The following IL1RAPL1 variants were observed in gnomAD, a reference collection of about 807,000 sequenced individuals.
IL1RAPL1 encodes interleukin-1 receptor accessory protein-like 1.
Under a neutral mutation model 48.4 loss-of-function variants are expected in IL1RAPL1, and 3 were observed. The ratio of observed to expected loss-of-function variants is 0.06; its 90% CI spans 0.03 to 0.16. IL1RAPL1 has a LOEUF of 0.16. Among genes scored for constraint, IL1RAPL1 ranks in the 10% least tolerant of loss-of-function variants. IL1RAPL1 has a pLI of 1.00. For missense variants in IL1RAPL1, 349 were observed against 530.6 expected (o/e 0.66, Z 3.36); for synonymous variants, 185 against 187.7 (o/e 0.99, Z 0.12).
intron 6 of IL1RAPL1, among the ~76,000 whole-genome samples, chrX:29,730,578 C>T (rs1433626186): frequency 1.8e-5 from 2 of 111,819 alleles, no homozygotes; most frequent in African/African-American, 6.5e-5. Context: ...TTTTTAGGGC[C>T]TTATCCTCTT....
At chrX:28,765,650 A>G (rs1477482911) in intron 1 of IL1RAPL1, among the ~76,000 whole-genome samples, 1 of 111,602 alleles carries the variant, frequency 9.0e-6, no homozygotes, top group Non-Finnish European at 1.9e-5. Flanking sequence ...CATTCCTAAG[A>G]TGAAAATGAG....
intron 1 of IL1RAPL1, among the ~76,000 whole-genome samples, chrX:28,596,650 A>G (rs1416409606): frequency 8.9e-6 from 1 of 111,901 alleles, no homozygotes; most frequent in African/African-American, 3.2e-5. Flanking sequence ...ATGGTCTCGT[A>G]TTTGCATATG....
At chrX:28,705,411 A>T (rs760502982) in intron 1 of IL1RAPL1, among the ~76,000 whole-genome samples, 27 of 112,059 alleles carry the variant, frequency 2.4e-4, no homozygotes, top group African/African-American at 8.1e-4. Flanking sequence ...TGTCTGCAAG[A>T]CTTTCCATCA....
chrX:29,381,472 T>C (rs1163301057), intron 3 of IL1RAPL1, among the ~76,000 whole-genome samples: 1 of 60,442 alleles, frequency 1.7e-5, no homozygotes, highest in Non-Finnish European at 2.8e-5. Context: ...CTGAGTAACA[T>C]AGGGAGACCT....
At chrX:29,461,851 G>GGTAGATTCT (rs2147734237) in intron 5 of IL1RAPL1, among the ~76,000 whole-genome samples, 1 of 111,806 alleles carries the variant, frequency 8.9e-6, no homozygotes, top group East Asian at 2.8e-4. Flanking sequence ...GGGTTCCTGG[G>GGTAGATTCT]ACCAGGGGTA....
intron 6 of IL1RAPL1, among the ~76,000 whole-genome samples, chrX:29,713,395 T>G (rs1455193199): frequency 1.8e-5 from 2 of 112,056 alleles, no homozygotes; most frequent in Middle Eastern, 4.6e-3. Context: ...ATTGGATTAA[T>G]TTGTTTAGAG....
chrX:29,065,630 T>G (rs1226609307), intron 2 of IL1RAPL1, among the ~76,000 whole-genome samples: 1 of 111,991 alleles, frequency 8.9e-6, no homozygotes, highest in Non-Finnish European at 1.9e-5. Context: ...TCTGTCCTTC[T>G]GTTCTGATAT....
Position 29,828,216 on chromosome X carries a change from C to A in IL1RAPL1, c.779-89248C>A, listed in dbSNP as rs1425338555. On this transcript the variant is annotated intron_variant, in intron 6 of 10. Transcript: ENST00000378993. ...GGGACAGTACTTGGGGGATGGGAAT[C>A]GTAGGCATAGAGCAGGTCTTGGTAA... 3.6e-5 allele frequency among the ~76,000 whole-genome samples: 4 copies of A among 111,564 alleles called. No individual in the cohort carries two copies. The South Asian group carries it at 1.1e-3, about 31-fold the overall frequency.
chrX:29,146,958 A>G (rs1929364167), intron 2 of IL1RAPL1, among the ~76,000 whole-genome samples: 1 of 112,387 alleles, frequency 8.9e-6, no homozygotes, highest in Non-Finnish European at 1.9e-5. Flanking sequence ...TATCATCTTC[A>G]GTTCTACTTG....
chrX:29,484,038 C>G (rs1257451003), intron 5 of IL1RAPL1, among the ~76,000 whole-genome samples: 2 of 108,929 alleles, frequency 1.8e-5, no homozygotes, highest in African/African-American at 6.7e-5. Context: ...CATTGAGCAC[C>G]TACTTTGTAA....
chrX:29,241,554 A>G (rs1158433241), intron 2 of IL1RAPL1, among the ~76,000 whole-genome samples: 1 of 111,283 alleles, frequency 9.0e-6, no homozygotes, highest in African/African-American at 3.3e-5. Context: ...GATGTGAGCA[A>G]AAAAAAGGAA....
intron 6 of IL1RAPL1, among the ~76,000 whole-genome samples, chrX:29,817,296 C>T (rs1209758550): frequency 8.9e-6 from 1 of 111,971 alleles, no homozygotes; most frequent in African/African-American, 3.2e-5. Context: ...CTTTGACAGC[C>T]TATTGGCCTT....
intron 2 of IL1RAPL1, among the ~76,000 whole-genome samples, chrX:29,130,510 A>G (rs1928997538): frequency 8.9e-6 from 1 of 112,390 alleles, no homozygotes; most frequent in African/African-American, 3.2e-5. Context: ...TTCACTGTTC[A>G]CTTAGCCAAA....
At chrX:29,099,119 C>T (rs12395058) in intron 2 of IL1RAPL1, among the ~76,000 whole-genome samples, 25,589 of 110,892 alleles carry the variant, frequency 0.23, 2,759 homozygotes, top group African/African-American at 0.42. Context: ...GCCATTGCAC[C>T]CTAGCCTGGG....
chrX:28,866,625 A>T (rs1366957139), intron 2 of IL1RAPL1, among the ~76,000 whole-genome samples: 1 of 112,152 alleles, frequency 8.9e-6, no homozygotes, highest in Non-Finnish European at 1.9e-5. Context: ...TAATGACAAT[A>T]ATGGCCATCA....
Position 28,883,392 on chromosome X carries a change from A to G in IL1RAPL1, c.82+93967A>G, listed in dbSNP as rs1601943790. 3.6e-5 allele frequency among the ~76,000 whole-genome samples: 4 copies of G among 112,220 alleles called. No individual in the cohort carries two copies. The South Asian group carries it at 1.5e-3, about 41-fold the overall frequency. ...ATGTTGAAACTTTATCTATTGTCCA[A>G]TAGGGTAATGACTAGCTATGTGGAG... On this transcript the variant is annotated intron_variant, in intron 2 of 10. Coordinates refer to ENST00000378993, the MANE Select transcript of IL1RAPL1 (RefSeq NM_014271.4).
At chrX:29,723,445 C>T (rs1927693599) in intron 6 of IL1RAPL1, among the ~76,000 whole-genome samples, 1 of 111,625 alleles carries the variant, frequency 9.0e-6, no homozygotes, top group Non-Finnish European at 1.9e-5. Flanking sequence ...GACGGGGTTT[C>T]GCCATGTTGG....
chrX:29,279,083 C>T (rs1226684785), intron 2 of IL1RAPL1, among the ~76,000 whole-genome samples: 1 of 112,222 alleles, frequency 8.9e-6, no homozygotes, highest in African/African-American at 3.2e-5. Flanking sequence ...TCACTTCTTT[C>T]ATTTAGTAAA....
intron 1 of IL1RAPL1, among the ~76,000 whole-genome samples, chrX:28,632,912 G>C (rs1412862147): frequency 1.1e-5 from 1 of 94,277 alleles, no homozygotes; most frequent in Admixed American, 1.2e-4. Context: ...TTTTTTTGAC[G>C]GAGTCTCACT....
Sources: gnomAD v4.1 joint callset for allele counts (sites outside exome capture counted in the v4.1 genomes callset) on GRCh38, gnomAD v4.1.1 for gene constraint, MANE v1.5 for transcripts, NCBI Gene and HGNC (gene_info 2026-07-23, HGNC 2026-07-21) for gene names.